The following CAST variants were observed in gnomAD, a reference collection of about 807,000 sequenced individuals.
CAST encodes calpastatin.
Under a neutral mutation model 119.6 loss-of-function variants are expected in CAST, and 76 were observed. That is an observed-to-expected ratio of 0.64 (90% CI 0.53 to 0.77). The LOEUF is 0.77. Among genes scored for constraint, CAST ranks in the 30% least tolerant of loss-of-function variants. The pLI is 0.00. For missense variants in CAST, 953 were observed against 946.5 expected (o/e 1.01, Z -0.09); for synonymous variants, 319 against 331.6 (o/e 0.96, Z 0.41).
intron 2 of CAST, among the ~76,000 whole-genome samples, chr5:96,693,585 C>T (rs1010925151): frequency 4.6e-5 from 7 of 152,188 alleles, no homozygotes; most frequent in Non-Finnish European, 1.0e-4. Flanking sequence ...TAACCTCCTT[C>T]AGTTTCCTCG....
At chr5:96,301,819 C>T in the CAST span, among the ~76,000 whole-genome samples, 1 of 152,212 alleles carries the variant, frequency 6.6e-6, no homozygotes, top group Non-Finnish European at 1.5e-5. Context: ...CTTTCATGGA[C>T]TGTCACTGCG....
intron 1 of CAST, among the ~76,000 whole-genome samples, chr5:96,622,334 C>T (rs1747628677): frequency 6.6e-6 from 1 of 152,110 alleles, no homozygotes; most frequent in Admixed American, 6.5e-5. Flanking sequence ...GTCTCATTGG[C>T]CAGAGCTTAA....
At chr5:96,739,863 A>G (rs1296702420) in intron 11 of CAST, among the ~76,000 whole-genome samples, 175 bp from the exon 12 acceptor site, 1 of 152,224 alleles carries the variant, frequency 6.6e-6, no homozygotes, top group East Asian at 1.9e-4. Flanking sequence ...AAATATGGGT[A>G]TTTGTGTAAA....
chr5:96,549,501 T>G (rs1746084583), intron 1 of CAST, among the ~76,000 whole-genome samples: 1 of 152,234 alleles, frequency 6.6e-6, no homozygotes, highest in Admixed American at 6.5e-5. Flanking sequence ...GATTTCTGCA[T>G]TTCCAACTGA....
chr5:96,497,115 G>GT, the CAST span, among the ~76,000 whole-genome samples: 4 of 149,334 alleles, frequency 2.7e-5, no homozygotes, highest in African/African-American at 9.9e-5. Flanking sequence ...GTGGTGTTTG[G>GT]TTTTTTGTCC....
chr5:96,149,995 A>G, the CAST span, among the ~76,000 whole-genome samples: 3 of 152,066 alleles, frequency 2.0e-5, no homozygotes, highest in Non-Finnish European at 4.4e-5. Flanking sequence ...TGTCATCACC[A>G]TCTTCATCCT....
intron 1 of CAST, among the ~76,000 whole-genome samples, chr5:96,591,995 C>T (rs971781356): frequency 6.6e-6 from 1 of 152,144 alleles, no homozygotes; most frequent in African/African-American, 2.4e-5. Flanking sequence ...GCCCAAATAT[C>T]AAGAGAATAA....
chr5:96,765,276 A>G lies in CAST; in HGVS notation c.1988A>G (p.Gln663Arg). ...GATAAACTCTCTGACAGTCTAGGAC[A>G]AAGGCAGCCTGACCCAGATGAGAAC... ...ALDKLSDSLG[Q>R]RQPDPDENKP... Residue 663 changes from glutamine (Q) to arginine (R), a missense_variant, in exon 26 of 32, where the codon CAA becomes CGA. Transcript: ENST00000675179. The G allele has an allele frequency of 6.2e-7, 1 of 1,606,714 alleles. No homozygotes were observed. The highest frequency in any genetic ancestry group is 8.5e-7 in the Non-Finnish European group (1 of 1,174,400).
the CAST span, among the ~76,000 whole-genome samples, chr5:95,987,128 C>A: frequency 6.6e-6 from 1 of 152,124 alleles, no homozygotes; most frequent in Non-Finnish European, 1.5e-5. Context: ...CTTGCTGCCC[C>A]CACAGCTCCA....
intron 1 of CAST, among the ~76,000 whole-genome samples, chr5:96,654,086 C>T (rs1035294686): frequency 2.0e-5 from 3 of 147,540 alleles, no homozygotes; most frequent in Admixed American, 6.8e-5. Flanking sequence ...TGCAGTGGTG[C>T]GATCTCAGCT....
chr5:96,007,272 T>A, the CAST span, among the ~76,000 whole-genome samples: 6 of 152,330 alleles, frequency 3.9e-5, no homozygotes, highest in South Asian at 6.2e-4. Context: ...TACAGAGTGT[T>A]CTTTTCATTG....
the CAST span, among the ~76,000 whole-genome samples, chr5:96,096,420 C>T: frequency 2.0e-5 from 3 of 152,146 alleles, no homozygotes; most frequent in African/African-American, 4.8e-5. Flanking sequence ...ATCAGCCCTC[C>T]ACTGTCTCAA....
At position 96,618,519 on chromosome 5, in the gene CAST, C is replaced by T. The variant is rs533327688; in HGVS notation, c.61-57020C>T. ...TTGCAGGGAGGTGTGGAGGGAGACG[C>T]ACGGGTGGGAACCGGGGCTGCGCAT... is the stretch of plus-strand genomic sequence containing the variant. On this transcript the variant is annotated intron_variant, in intron 1 of 11. Transcript: ENST00000505143. Among the ~76,000 whole-genome samples the T allele has an allele frequency of 4.6e-3, 695 of 152,352 alleles. 11 individuals are homozygous for T. Among genetic ancestry groups the T allele is most frequent in the African/African-American group, 0.016 (661 of 41,594 alleles).
chr5:96,584,499 G>A (rs1746822672), intron 1 of CAST: 2 of 152,124 alleles, frequency 1.3e-5, no homozygotes, highest in Non-Finnish European at 2.9e-5. Flanking sequence ...GAGCAAAGTA[G>A]GAAAGAATTT....
chr5:96,741,634 A>C, intron 15 of CAST, 54 bp downstream of exon 15: 2 of 1,219,438 alleles, frequency 1.6e-6, no homozygotes, highest in Non-Finnish European at 2.4e-6. Flanking sequence ...GATCTAGCTC[A>C]TTCAGGAAAC....
the CAST span, among the ~76,000 whole-genome samples, chr5:96,411,938 T>G: frequency 6.6e-6 from 1 of 152,126 alleles, no homozygotes; most frequent in Non-Finnish European, 1.5e-5. Context: ...GCCTCCCGAG[T>G]AGCTGGGACT....
In CAST at chr5:96,534,782, AAAGAAAGAAAGAAAGAAAG is replaced by A. The variant is rs1367809914; in HGVS notation, c.60+4924_60+4942del. Among the ~76,000 whole-genome samples, 62 of 136,164 alleles carry A rather than the reference AAAGAAAGAAAGAAAGAAAG, an allele frequency of 4.6e-4. 5 individuals carry two copies. Among genetic ancestry groups the A allele is most frequent in the African/African-American group, 1.3e-3 (48 of 35,888 alleles). 89.3% of individuals were successfully genotyped at this position (136,164 alleles called of 152,430 possible). On this transcript the variant is annotated intron_variant, in intron 1 of 11. Coordinates refer to the CAST transcript ENST00000505143. ...GAAAGAAAGAAAGAAAGAAAGAAAG[AAAGAAAGAAAGAAAGAAAG>A]AAGAAAGAAAGAAAGAAAGAAAAGA...
intron 1 of CAST, among the ~76,000 whole-genome samples, chr5:96,541,889 T>C (rs1580816649): frequency 6.6e-6 from 1 of 152,250 alleles, no homozygotes; most frequent in Non-Finnish European, 1.5e-5. Context: ...CTTGGTTGCT[T>C]CCAGTTTTTG....
At chr5:95,983,432 A>G in the CAST span, among the ~76,000 whole-genome samples, 6 of 152,244 alleles carry the variant, frequency 3.9e-5, no homozygotes, top group Admixed American at 6.5e-5. Context: ...AAAATTCACA[A>G]AAGATCCACA....
Sources: gnomAD v4.1 joint callset for allele counts (sites outside exome capture counted in the v4.1 genomes callset) on GRCh38, gnomAD v4.1.1 for gene constraint, MANE v1.5 for transcripts, NCBI Gene and HGNC (gene_info 2026-07-23, HGNC 2026-07-21) for gene names.